The following CLSTN3 variants were observed in gnomAD, a reference collection of about 807,000 sequenced individuals.
The protein encoded by CLSTN3 is calsyntenin-3.
In CLSTN3, 36 loss-of-function variants were observed where a neutral mutation model predicts 95.9. The observed-to-expected ratio is 0.38, with a 90% CI of 0.29 to 0.50. The LOEUF (loss-of-function observed/expected upper bound fraction) is 0.50, where lower values mean the gene tolerates loss of function less well. Ranked by LOEUF, CLSTN3 falls within the 20% of genes least tolerant of loss-of-function variation. CLSTN3 has a pLI of 0.95. For synonymous variants in CLSTN3, 481 were observed against 504.0 expected (o/e 0.95, Z 0.61); for missense variants, 1,084 against 1,268.8 (o/e 0.85, Z 2.21).
chr12:7,156,071 T>C (rs1939809867), intron 16 of CLSTN3: 2 of 357,310 alleles, frequency 5.6e-6, no homozygotes, highest in Non-Finnish European at 5.5e-6. Flanking sequence ...ATGTGTGTAT[T>C]TTTCTAGGGG....
At chr12:7,135,768 A>G (rs375870660) in intron 4 of CLSTN3, 36 bp from the exon 5 acceptor site, 18 of 1,561,000 alleles carry the variant, frequency 1.2e-5, no homozygotes, top group Non-Finnish European at 1.4e-5. Context: ...GCTTTCTCCA[A>G]TGCTCTAATG....
chr12:7,135,741 T>C, intron 4 of CLSTN3, 63 bp from the exon 5 acceptor site: 1 of 1,536,244 alleles, frequency 6.5e-7, no homozygotes. Context: ...TCAGACATCC[T>C]CCCCTCCCTG....
rs370422712 is a variant in CLSTN3 at position 7,135,565 on chromosome 12, C to T, written c.592+30C>T. ...GTCCACCCCTGGCTTCCCTGGCCACCCAGTTCCCCTTGAGCACCCACCTCC... is the reference window on the plus strand; with the variant it reads ...GTCCACCCCTGGCTTCCCTGGCCACTCAGTTCCCCTTGAGCACCCACCTCC... On this transcript the variant is annotated intron_variant, in intron 4 of 17. Transcript: ENST00000266546. The T allele has an allele frequency of 8.7e-6, 14 of 1,607,396 alleles. No individual in the cohort carries two copies. The South Asian group carries it at 1.3e-4, about 15-fold the overall frequency.
chr12:7,131,486 A>G, intron 1 of CLSTN3: 1 of 283,160 alleles, frequency 3.5e-6, no homozygotes, highest in South Asian at 3.2e-5. Flanking sequence ...TAAGGAGGGG[A>G]TGGAAAAGGG....
chr12:7,134,731 G>A (rs1040872399), intron 3 of CLSTN3, among the ~76,000 whole-genome samples: 2 of 152,126 alleles, frequency 1.3e-5, no homozygotes, highest in Non-Finnish European at 2.9e-5. Flanking sequence ...TTATCCCCCC[G>A]GATCTGACTG....
chr12:7,141,119 C>G lies in CLSTN3; in HGVS notation c.1324-123C>G. The G allele has an allele frequency of 9.1e-7, 1 of 1,098,514 alleles. No individual in the cohort carries two copies. The highest frequency in any genetic ancestry group is 1.3e-6 in the Non-Finnish European group (1 of 760,256). 68.0% of individuals were successfully genotyped at this position (1,098,514 alleles called of 1,614,324 possible). On this transcript the variant is annotated intron_variant, in intron 8 of 17. Coordinates refer to ENST00000266546, the MANE Select transcript of CLSTN3 (RefSeq NM_014718.4). The surrounding 1 kb of genome is among the most constrained non-coding windows in gnomAD (Gnocchi z 4.1). ...ATAGGCAGCAAAGCACTAGTAAGCCCTGTTGGTAGAACTGGGAATAAAGGG... is the reference window on the plus strand; with the variant it reads ...ATAGGCAGCAAAGCACTAGTAAGCCGTGTTGGTAGAACTGGGAATAAAGGG...
chr12:7,148,208 G>GAAAGAAAGAA (rs1939661595), intron 12 of CLSTN3, among the ~76,000 whole-genome samples: 1 of 139,268 alleles, frequency 7.2e-6, no homozygotes, highest in Non-Finnish European at 1.5e-5. Flanking sequence ...AAGAAAGAAA[G>GAAAGAAAGAA]AAAGAAATGT....
At chr12:7,136,123 T>C in intron 5 of CLSTN3, 83 bp from the exon 6 acceptor site, 4 of 1,541,100 alleles carry the variant, frequency 2.6e-6, no homozygotes, top group South Asian at 2.5e-5. Context: ...AAACTGTCCA[T>C]GGACATGGCA....
chr12:7,142,318 T>C (rs1481604059), intron 10 of CLSTN3, among the ~76,000 whole-genome samples, 179 bp downstream of exon 10: 1 of 151,998 alleles, frequency 6.6e-6, no homozygotes, highest in African/African-American at 2.4e-5. Context: ...TAGAGGCAGC[T>C]TGGCTGGGTT....
At chr12:7,143,362 C>A in intron 12 of CLSTN3, 51 bp downstream of exon 12, 2 of 1,571,488 alleles carry the variant, frequency 1.3e-6, no homozygotes, top group South Asian at 1.1e-5. Flanking sequence ...CAGACAGTGT[C>A]ACAGCTCCTT....
At chr12:7,145,430 C>A (rs1269450341) in intron 12 of CLSTN3, among the ~76,000 whole-genome samples, 1 of 152,044 alleles carries the variant, frequency 6.6e-6, no homozygotes, top group East Asian at 1.9e-4. Context: ...ACCTCCCTTT[C>A]CCTGATGCAT....
chr12:7,137,083 A>G lies in CLSTN3; in HGVS notation c.1183A>G (p.Thr395Ala), dbSNP rs766543184. 6.1e-5 allele frequency: 99 copies of G among 1,613,440 alleles called. No homozygotes were observed. The highest frequency in any genetic ancestry group is 8.4e-5 in the Non-Finnish European group (99 of 1,179,848). Residue 395 changes from threonine (T) to alanine (A), a missense_variant, in exon 7 of 18, where the codon ACC becomes GCC. Physicochemically the swap from Thr to Ala is moderately conservative, Grantham distance 58. Coordinates refer to ENST00000266546, the MANE Select transcript of CLSTN3 (RefSeq NM_014718.4). The surrounding 1 kb of genome is among the most constrained non-coding windows in gnomAD (Gnocchi z 4.4). ...CAACAAGGGCAAGAAGGAAGAGGAA[A>G]CCATCGTATGTAACACTGTCCAGAA... is the stretch of plus-strand genomic sequence containing the variant. ...TPNKGKKEEETIVCNTVQNED... is the reference protein window; with the variant it reads ...TPNKGKKEEEAIVCNTVQNED...
chr12:7,156,620 A>G (rs1239912145), intron 16 of CLSTN3: 1 of 456,610 alleles, frequency 2.2e-6, no homozygotes, highest in Non-Finnish European at 4.4e-6. Context: ...GGGCGTGGCA[A>G]CCTTTGTGCA....
intron 16 of CLSTN3, among the ~76,000 whole-genome samples, chr12:7,154,446 A>AT (rs572954478): frequency 1.6e-4 from 25 of 152,062 alleles, no homozygotes; most frequent in Non-Finnish European, 3.5e-4. Flanking sequence ...TGTAAAAGGG[A>AT]TTTTTGGATG....
rs747255044 is a variant in CLSTN3, at chr12:7,136,206, G to A, written c.743G>A (p.Gly248Asp). ...VKPTCKPSWQ[G>D]WNKRIEYAPG... ...CACCCTCTCTGTCTCACCCATGCAG[G>A]CTGGAACAAAAGGATCGAATATGCA... Residue 248 changes from glycine (G) to aspartate (D), a missense_variant and splice_region_variant, in exon 6 of 18, where the codon GGC becomes GAC. Gly to Asp is a moderately conservative substitution (Grantham distance 94). Transcript: ENST00000266546. 7 of 1,613,338 alleles carry A rather than the reference G, an allele frequency of 4.3e-6. No homozygotes were observed. Among genetic ancestry groups the A allele is most frequent in the African/African-American group, 1.3e-5 (1 of 74,916 alleles).
intron 8 of CLSTN3, among the ~76,000 whole-genome samples, chr12:7,138,273 TA>T (rs1032125660): frequency 1.8e-4 from 26 of 147,776 alleles, no homozygotes; most frequent in South Asian, 2.1e-4. Flanking sequence ...CTTCTGGATT[TA>T]AAAAAAAAAG....
chr12:7,144,228 A>G (rs761781356), intron 12 of CLSTN3, among the ~76,000 whole-genome samples: 23 of 130,212 alleles, frequency 1.8e-4, no homozygotes, highest in Non-Finnish European at 3.2e-4. Flanking sequence ...GCGAGACTCC[A>G]TCTCAAAAAA....
chr12:7,140,506 T>G (rs1488025006), intron 8 of CLSTN3, among the ~76,000 whole-genome samples: 1 of 152,152 alleles, frequency 6.6e-6, no homozygotes, highest in African/African-American at 2.4e-5. Context: ...ACCCCAACAT[T>G]TGGAACTGGA....
At chr12:7,140,502 A>G (rs1939507111) in intron 8 of CLSTN3, among the ~76,000 whole-genome samples, 1 of 152,156 alleles carries the variant, frequency 6.6e-6, no homozygotes, top group Admixed American at 6.5e-5. Context: ...AGGGACCCCA[A>G]CATTTGGAAC....
Sources: allele counts gnomAD v4.1 joint callset (sites outside exome capture counted in the v4.1 genomes callset), GRCh38; gene constraint gnomAD v4.1.1; non-coding constraint Gnocchi (gnomAD v3.1); transcripts MANE v1.5; gene names NCBI Gene and HGNC (gene_info 2026-07-23, HGNC 2026-07-21).